The following MTHFD1 variants were observed in gnomAD, a reference collection of about 807,000 sequenced individuals.
The protein encoded by MTHFD1 is methylenetetrahydrofolate dehydrogenase, cyclohydrolase and formyltetrahydrofolate synthetase 1, also known as C-1-tetrahydrofolate synthase, cytoplasmic.
A neutral mutation model predicts 110.3 loss-of-function variants in MTHFD1; 44 were observed. The observed-to-expected ratio is 0.40, with a 90% CI of 0.31 to 0.51. The LOEUF is 0.51. Ranked by LOEUF, MTHFD1 falls within the 20% of genes least tolerant of loss-of-function variation. The probability of loss-of-function intolerance (pLI) is 0.60; values close to 1 mark genes in which losing one functional copy is unlikely to be tolerated. For missense variants in MTHFD1, 909 were observed against 1,173.1 expected (o/e 0.77, Z 3.29); for synonymous variants, 402 against 428.8 (o/e 0.94, Z 0.77).
chr14:64,403,431 C>T (rs1448686751), intron 2 of MTHFD1, among the ~76,000 whole-genome samples: 1 of 152,046 alleles, frequency 6.6e-6, no homozygotes, highest in Non-Finnish European at 1.5e-5. Context: ...CCACGCCCAG[C>T]TAATTTTTGT....
chr14:64,419,695 A>G, intron 7 of MTHFD1, 119 bp from the exon 8 acceptor site: 2 of 753,166 alleles, frequency 2.7e-6, no homozygotes, highest in Non-Finnish European at 2.4e-6. Flanking sequence ...ATCTTATGAA[A>G]TAGCTTATGA....
Position 64,418,076 on chromosome 14 carries a change from G to A in MTHFD1, c.615+52G>A. The A allele has an allele frequency of 1.9e-6, 3 of 1,603,456 alleles. No individual in the cohort carries two copies. In the African/African-American group the frequency reaches 4.0e-5, roughly 21 times the overall value. On this transcript the variant is annotated intron_variant, in intron 7 of 27. Coordinates refer to ENST00000652337, the MANE Select transcript of MTHFD1 (RefSeq NM_005956.4). Reference sequence around the variant, plus strand: ...GTGTTACGGTGGGGAGGGTGGGTGTGCCAGAGGCTGCCATGTCCTTTACAC... The same window carrying A: ...GTGTTACGGTGGGGAGGGTGGGTGTACCAGAGGCTGCCATGTCCTTTACAC...
chr14:64,428,752 C>T (rs2078136996), intron 12 of MTHFD1, among the ~76,000 whole-genome samples: 1 of 151,254 alleles, frequency 6.6e-6, no homozygotes, highest in African/African-American at 2.4e-5. Flanking sequence ...TGGGGTTTCA[C>T]TATATTGGCC....
At chr14:64,401,221 A>T (rs1421733651) in intron 2 of MTHFD1, among the ~76,000 whole-genome samples, 1 of 152,004 alleles carries the variant, frequency 6.6e-6, no homozygotes, top group African/African-American at 2.4e-5. Context: ...GGAATGTAGT[A>T]GTGCAATCAT....
At chr14:64,444,660 A>G in intron 21 of MTHFD1, 33 bp from the exon 22 acceptor site, 2 of 1,613,782 alleles carry the variant, frequency 1.2e-6, no homozygotes, top group Non-Finnish European at 1.7e-6. Flanking sequence ...TTTAAATAGG[A>G]AATGCCTCTG....
In MTHFD1 at chr14:64,459,808, T is replaced by C. The variant is rs1252213457; in HGVS notation, c.*54T>C. 21 of 1,536,050 alleles carry C rather than the reference T, an allele frequency of 1.4e-5. No individual in the cohort carries two copies. The East Asian group carries it at 4.2e-4, about 30-fold the overall frequency. Reference sequence around the variant, plus strand: ...ACTTTGAAAGTCTGGCCAGTGTCTATTCAGGCCCACTGGGAGTTAGGAAGT... The same window carrying C: ...ACTTTGAAAGTCTGGCCAGTGTCTACTCAGGCCCACTGGGAGTTAGGAAGT... On this transcript the variant is annotated 3_prime_UTR_variant, in exon 28 of 28. Coordinates refer to ENST00000652337, the MANE Select transcript of MTHFD1 (RefSeq NM_005956.4).
At chr14:64,454,324 G>A (rs1413930335) in intron 25 of MTHFD1, among the ~76,000 whole-genome samples, 5 of 152,066 alleles carry the variant, frequency 3.3e-5, no homozygotes, top group Admixed American at 6.6e-5. Context: ...TGTTGCCCAG[G>A]CTGGTCTTGA....
chr14:64,422,081 C>T (rs2078079230), intron 8 of MTHFD1, among the ~76,000 whole-genome samples: 1 of 151,960 alleles, frequency 6.6e-6, no homozygotes, highest in Admixed American at 6.6e-5. Context: ...ATGAAACTTG[C>T]CATCCTTTTC....
At chr14:64,438,033 C>T (rs2078219895) in intron 16 of MTHFD1, among the ~76,000 whole-genome samples, 1 of 152,134 alleles carries the variant, frequency 6.6e-6, no homozygotes, top group African/African-American at 2.4e-5. Flanking sequence ...ACCACCACAC[C>T]CGGCTAATTT....
intron 21 of MTHFD1, among the ~76,000 whole-genome samples, chr14:64,443,726 A>G (rs867077349): frequency 2.6e-5 from 4 of 151,970 alleles, no homozygotes; most frequent in African/African-American, 9.7e-5. Context: ...CACAACTAAC[A>G]TTCCTCTCTC....
intron 1 of MTHFD1, among the ~76,000 whole-genome samples, chr14:64,396,418 T>C (rs1317834382): frequency 6.7e-6 from 1 of 148,664 alleles, no homozygotes; most frequent in Non-Finnish European, 1.5e-5. Context: ...TGAGATGGAG[T>C]TTCACTCTTG....
At chr14:64,396,843 T>C (rs2077853307) in intron 1 of MTHFD1, among the ~76,000 whole-genome samples, 1 of 149,398 alleles carries the variant, frequency 6.7e-6, no homozygotes, top group African/African-American at 2.5e-5. Flanking sequence ...CGTGGCTCAC[T>C]CCTGTAATCC....
At chr14:64,425,284 C>G (rs889993888) in intron 9 of MTHFD1, among the ~76,000 whole-genome samples, 3 of 146,230 alleles carry the variant, frequency 2.1e-5, no homozygotes, top group Non-Finnish European at 4.4e-5. Flanking sequence ...GTGATCTTGG[C>G]TTACCGCAAC....
intron 22 of MTHFD1, 120 bp downstream of exon 22, chr14:64,444,854 C>A: frequency 1.9e-6 from 2 of 1,036,210 alleles, no homozygotes; most frequent in Non-Finnish European, 3.0e-6. Context: ...TGCAGGGTGC[C>A]AAAAGGCCTG....
intron 1 of MTHFD1, 26 bp downstream of exon 1, chr14:64,388,494 T>G (rs761506485): frequency 5.0e-6 from 8 of 1,606,098 alleles, no homozygotes; most frequent in Non-Finnish European, 6.8e-6. Flanking sequence ...TGTTGTTGAG[T>G]GTGGGGCTGT....
rs770242232 is a variant in MTHFD1 at position 64,444,671 on chromosome 14, ACT to A, written c.2137-19_2137-18del. On this transcript the variant is annotated intron_variant, in intron 21 of 27. Transcript: ENST00000652337. Reference sequence around the variant, plus strand: ...GAGATTTAAATAGGAAATGCCTCTGACTCTGTTTCTTTTCCTTCCAGGTCACT... The same window carrying A: ...GAGATTTAAATAGGAAATGCCTCTGACTGTTTCTTTTCCTTCCAGGTCACT... 5 of 1,613,674 alleles carry A rather than the reference ACT, an allele frequency of 3.1e-6. No homozygotes were observed. Among genetic ancestry groups the A allele is most frequent in the Non-Finnish European group, 4.2e-6 (5 of 1,179,802 alleles).
At chr14:64,403,309 C>G (rs1490385722) in intron 2 of MTHFD1, among the ~76,000 whole-genome samples, 1 of 150,690 alleles carries the variant, frequency 6.6e-6, no homozygotes, top group Non-Finnish European at 1.5e-5. Context: ...GAATCTCGCT[C>G]TATCCCCCAG....
intron 12 of MTHFD1, among the ~76,000 whole-genome samples, chr14:64,429,930 G>T (rs2078145202): frequency 6.6e-6 from 1 of 152,126 alleles, no homozygotes; most frequent in African/African-American, 2.4e-5. Flanking sequence ...TTTAACAAAT[G>T]CCAGTAATTA....
intron 4 of MTHFD1, among the ~76,000 whole-genome samples, chr14:64,413,408 A>T (rs2078000614): frequency 6.6e-6 from 1 of 152,144 alleles, no homozygotes; most frequent in African/African-American, 2.4e-5. Context: ...CTAAAAACCA[A>T]ATATGTATTC....
Sources: gnomAD v4.1 joint callset for allele counts (sites outside exome capture counted in the v4.1 genomes callset) on GRCh38, gnomAD v4.1.1 for gene constraint, MANE v1.5 for transcripts, NCBI Gene and HGNC (gene_info 2026-07-23, HGNC 2026-07-21) for gene names.